Variants in KIF3B observed in about 807,000 individuals in gnomAD.
KIF3B encodes kinesin-like protein KIF3B.
KIF3B carries 38 observed loss-of-function variants against 74.3 expected under a neutral mutation model. The ratio of observed to expected loss-of-function variants is 0.51; its 90% confidence interval spans 0.39 to 0.67. The LOEUF (loss-of-function observed/expected upper bound fraction) is 0.67, where lower values mean the gene tolerates loss of function less well. Ranked by LOEUF, KIF3B falls within the 30% of genes least tolerant of loss-of-function variation. The probability of loss-of-function intolerance (pLI) is 0.00; values close to 1 mark genes in which losing one functional copy is unlikely to be tolerated. For synonymous variants in KIF3B, 326 were observed against 342.5 expected (o/e 0.95, Z 0.53); for missense variants, 649 against 932.0 (o/e 0.70, Z 3.95).
intron 5 of KIF3B, among the ~76,000 whole-genome samples, chr20:32,322,390 C>G (rs2047864504): frequency 6.6e-6 from 1 of 150,776 alleles, no homozygotes. Context: ...GGACGGATCA[C>G]CTGAAGTCAG....
chr20:32,289,447 C>T (rs1034491523), intron 1 of KIF3B, among the ~76,000 whole-genome samples: 1 of 152,186 alleles, frequency 6.6e-6, no homozygotes, highest in African/African-American at 2.4e-5. Flanking sequence ...CTGCCTTGGC[C>T]TCCCAAAGGG....
At chr20:32,290,850 G>T (rs2047687896) in intron 1 of KIF3B, among the ~76,000 whole-genome samples, 1 of 151,188 alleles carries the variant, frequency 6.6e-6, no homozygotes, top group Non-Finnish European at 1.5e-5. Context: ...CTGCACTCCA[G>T]CCTGGGTGTC....
At chr20:32,320,407 T>C (rs751977464) in intron 5 of KIF3B, among the ~76,000 whole-genome samples, 6 of 152,110 alleles carry the variant, frequency 3.9e-5, no homozygotes, top group Non-Finnish European at 7.4e-5. Flanking sequence ...ATTTGCCTTT[T>C]CTGGACCTTT....
chr20:32,331,439 G>A lies in KIF3B; in HGVS notation c.*120G>A. ...AACTGTTCCCCTGAGGAGAAGCGGTGGCCTCTTTGCAGATCAACCAACTTA... is the reference window on the plus strand; with the variant it reads ...AACTGTTCCCCTGAGGAGAAGCGGTAGCCTCTTTGCAGATCAACCAACTTA... On this transcript the variant is annotated 3_prime_UTR_variant, in exon 9 of 9. Coordinates refer to ENST00000375712, the MANE Select transcript of KIF3B (RefSeq NM_004798.4). 1.3e-6 allele frequency: 1 copy of A among 744,980 alleles called. No individual in the cohort carries two copies. Among genetic ancestry groups the A allele is most frequent in the Non-Finnish European group, 2.2e-6 (1 of 457,418 alleles). The allele number at this position is 744,980 out of a possible 1,614,324, so 46.1% of individuals were successfully genotyped here.
chr20:32,324,108 C>G (rs1408216921), intron 5 of KIF3B, among the ~76,000 whole-genome samples: 1 of 122,078 alleles, frequency 8.2e-6, no homozygotes, highest in Admixed American at 8.7e-5. Flanking sequence ...GACACCAACT[C>G]AAAAGAAAAA....
chr20:32,323,080 A>T (rs1399460191), intron 5 of KIF3B, among the ~76,000 whole-genome samples: 3 of 109,280 alleles, frequency 2.7e-5, no homozygotes, highest in African/African-American at 1.1e-4. Flanking sequence ...TTATATATTT[A>T]TATATATTTA....
At chr20:32,325,805 T>A (rs1394543250) in intron 5 of KIF3B, among the ~76,000 whole-genome samples, 1 of 151,632 alleles carries the variant, frequency 6.6e-6, no homozygotes, top group African/African-American at 2.4e-5. Flanking sequence ...GTAGCTGGGA[T>A]TATAGGTGCC....
chr20:32,280,293 C>G (rs1176631651), intron 1 of KIF3B, among the ~76,000 whole-genome samples: 1 of 152,078 alleles, frequency 6.6e-6, no homozygotes, highest in African/African-American at 2.4e-5. Flanking sequence ...TGTGATAATA[C>G]CAGGTCCGTC....
At chr20:32,317,512 C>T (rs1296862556) in intron 5 of KIF3B, among the ~76,000 whole-genome samples, 1 of 152,078 alleles carries the variant, frequency 6.6e-6, no homozygotes, top group Non-Finnish European at 1.5e-5. Flanking sequence ...TACCCAAGTA[C>T]CCATCACCCA....
chr20:32,294,421 G>C (rs765288249), intron 1 of KIF3B, among the ~76,000 whole-genome samples: 1 of 152,054 alleles, frequency 6.6e-6, no homozygotes, highest in African/African-American at 2.4e-5. Flanking sequence ...TTTCTCCAAA[G>C]AAAACATTGC....
chr20:32,309,898 G>C lies in KIF3B; in HGVS notation c.121G>C (p.Val41Leu), dbSNP rs760226096. The C allele has an allele frequency of 6.2e-7, 1 of 1,614,196 alleles. No homozygotes were observed. Among genetic ancestry groups the C allele is most frequent in the East Asian group, 2.2e-5 (1 of 44,886 alleles). The change falls in exon 2 of 9, where the codon GTG becomes CTG. Residue 41 changes from valine (V) to leucine (L), a missense_variant. Transcript: ENST00000375712. ...VVDVDVKLGQ[V>L]SVKNPKGTAH... ...GGATGTGGATGTTAAGCTGGGGCAGGTGTCTGTGAAGAACCCCAAAGGGAC... is the reference window on the plus strand; with the variant it reads ...GGATGTGGATGTTAAGCTGGGGCAGCTGTCTGTGAAGAACCCCAAAGGGAC...
Position 32,311,014 on chromosome 20 carries a change from T to G in KIF3B, c.1237T>G (p.Tyr413Asp), listed in dbSNP as rs2047797653. The G allele has an allele frequency of 5.0e-6, 8 of 1,613,242 alleles. No homozygotes were observed. Among genetic ancestry groups the G allele is most frequent in the Non-Finnish European group, 6.8e-6 (8 of 1,179,774 alleles). Residue 413 changes from tyrosine (Y) to aspartate (D), a missense_variant, in exon 2 of 9, where the codon TAC (tyrosine) becomes GAC (aspartate). Tyr to Asp is a radical substitution (Grantham distance 160, BLOSUM62 -3). Transcript: ENST00000375712. ...GEEEGDDKDD[Y>D]WREQQEKLEI... ...GGAGGAAGGGGATGATAAGGATGAT[T>G]ACTGGCGGGAACAGCAAGAAAAACT... is the stretch of plus-strand genomic sequence containing the variant.
chr20:32,311,286 A>C (rs901678063), intron 2 of KIF3B, 105 bp downstream of exon 2: 2 of 1,275,306 alleles, frequency 1.6e-6, no homozygotes, highest in African/African-American at 3.0e-5. Context: ...GTCTCTCATC[A>C]GTTTTGGATT....
intron 5 of KIF3B, among the ~76,000 whole-genome samples, chr20:32,325,409 C>T (rs1008810907): frequency 6.6e-6 from 1 of 152,002 alleles, no homozygotes; most frequent in African/African-American, 2.4e-5. Flanking sequence ...AGGCTGGTCT[C>T]GAACTCCTGA....
chr20:32,309,939 C>T lies in KIF3B; in HGVS notation c.162C>T (p.Pro54=). 6.2e-7 allele frequency: 1 copy of T among 1,614,212 alleles called. No homozygotes were observed. The highest frequency in any genetic ancestry group is 8.5e-7 in the Non-Finnish European group (1 of 1,180,046). ...KNPKGTAHEM[P]KTFTFDAVYD... The stretch of plus-strand genomic sequence containing the variant: ...CCAAAGGGACGGCCCATGAAATGCC[C>T]AAGACCTTCACCTTTGATGCCGTCT... Residue 54 remains proline, a synonymous_variant, in exon 2 of 9, where the codon CCC becomes CCT. Coordinates refer to ENST00000375712, the MANE Select transcript of KIF3B (RefSeq NM_004798.4).
intron 1 of KIF3B, among the ~76,000 whole-genome samples, chr20:32,293,800 ACT>A (rs375280079): frequency 1.5e-4 from 23 of 152,254 alleles, no homozygotes; most frequent in African/African-American, 5.3e-4. Context: ...TTCACTGTAC[ACT>A]CTGTACAGCT....
Position 32,285,099 on chromosome 20 carries a change from CA to C in KIF3B, c.-66+7351del, listed in dbSNP as rs11480924. Among the ~76,000 whole-genome samples, 210 of 102,452 alleles carry C rather than the reference CA, an allele frequency of 2.0e-3. 2 individuals carry two copies. The highest frequency in any genetic ancestry group is 5.3e-3 in the South Asian group (18 of 3,404). The allele number at this position is 102,452 out of a possible 152,430, so 67.2% of individuals were successfully genotyped here. A position where few individuals can be genotyped will look rare whatever the true frequency, so the allele number is the denominator to read the frequency against. On this transcript the variant is annotated intron_variant, in intron 1 of 8. Coordinates refer to ENST00000375712, the MANE Select transcript of KIF3B (RefSeq NM_004798.4). The stretch of plus-strand genomic sequence containing the variant: ...TGCATAACTAATTTTAAATGATGAC[CA>C]AAAAAAAAAAAAAAAACAGTGACTT...
chr20:32,304,821 G>C (rs1049665461), intron 1 of KIF3B, among the ~76,000 whole-genome samples: 4 of 150,242 alleles, frequency 2.7e-5, no homozygotes, highest in African/African-American at 1.0e-4. Context: ...GAGAGAGAGA[G>C]AGACCTGTCA....
chr20:32,302,518 T>C (rs77378671), intron 1 of KIF3B, among the ~76,000 whole-genome samples: 3 of 127,310 alleles, frequency 2.4e-5, no homozygotes, highest in Non-Finnish European at 5.3e-5. Context: ...AGGCTTTCTT[T>C]CTTCTTTCAT....
Sources: allele counts gnomAD v4.1 joint callset (sites outside exome capture counted in the v4.1 genomes callset), GRCh38; gene constraint gnomAD v4.1.1; transcripts MANE v1.5; gene names NCBI Gene and HGNC (gene_info 2026-07-23, HGNC 2026-07-21).